The following TRRAP variants were observed in gnomAD, a reference collection of about 807,000 sequenced individuals.
TRRAP encodes the protein transformation/transcription domain-associated protein.
Under a neutral mutation model 438.8 loss-of-function variants are expected in TRRAP, and 41 were observed. The observed-to-expected ratio is 0.09, with a 90% CI of 0.07 to 0.12. The LOEUF (loss-of-function observed/expected upper bound fraction) is 0.12, where lower values mean the gene tolerates loss of function less well. TRRAP is among the 10% of genes least tolerant of loss of function. The probability of loss-of-function intolerance (pLI) is 1.00; values close to 1 mark genes in which losing one functional copy is unlikely to be tolerated. For missense variants in TRRAP, 3,122 were observed against 5,055.1 expected (o/e 0.62, Z 11.60); for synonymous variants, 1,994 against 1,962.9 (o/e 1.02, Z -0.42).
intron 67 of TRRAP, chr7:98,999,225 A>T (rs1295241081): frequency 1.6e-6 from 2 of 1,275,472 alleles, no homozygotes; most frequent in East Asian, 2.3e-5. Context: ...GCTTCACTCC[A>T]AGAAGTACAT....
intron 58 of TRRAP, among the ~76,000 whole-genome samples, chr7:98,979,134 A>T (rs749965331): frequency 4.6e-5 from 7 of 152,252 alleles, no homozygotes; most frequent in Non-Finnish European, 7.3e-5. Context: ...GAACTAGAAG[A>T]TGGAATCGAG....
Position 98,990,468 on chromosome 7 carries a change from T to C in TRRAP, c.9605T>C (p.Leu3202Ser). 1 of 1,612,896 alleles carries C rather than the reference T, an allele frequency of 6.2e-7. No homozygotes were observed. The highest frequency in any genetic ancestry group is 1.1e-5 in the South Asian group (1 of 91,066). The change falls in exon 64 of 73, where the codon TTG (leucine) becomes TCG (serine). Residue 3202 changes from leucine to serine, a missense_variant. Physicochemically the swap from Leu to Ser is moderately radical, Grantham distance 145 (BLOSUM62 -2). Transcript: ENST00000456197. ...CTTCTGTCTCAGGTGCTGTGGCTTT[T>C]GAGTTTTGATGATGACAAAAACACT... ...RKYLAKVLWL[L>S]SFDDDKNTLA...
At chr7:98,879,191 G>C (rs1210509350) in intron 1 of TRRAP, among the ~76,000 whole-genome samples, 2 of 152,196 alleles carry the variant, frequency 1.3e-5, no homozygotes, top group Non-Finnish European at 1.5e-5. Context: ...AGCAGGCCCG[G>C]CGCCAGCCCG....
intron 26 of TRRAP, 144 bp downstream of exon 26, chr7:98,931,809 C>A: frequency 1.9e-6 from 2 of 1,062,888 alleles, no homozygotes; most frequent in South Asian, 1.7e-5. Context: ...GCGTGGGTAC[C>A]AAAATCTGGG....
At position 98,971,830 on chromosome 7, in the gene TRRAP, G is replaced by T; in HGVS notation, c.7724G>T (p.Gly2575Val). Residue 2575 changes from glycine to valine, a missense_variant, in exon 53 of 73, where the codon GGG becomes GTG. Physicochemically the swap from Gly to Val is moderately radical, Grantham distance 109. Transcript: ENST00000456197. ...GAGATAGACATCGAACTAGCTCCTGGGGATCAGACCAGCACGCCCAAAACC... is the reference window on the plus strand; with the variant it reads ...GAGATAGACATCGAACTAGCTCCTGTGGATCAGACCAGCACGCCCAAAACC... ...DVEIDIELAP[G>V]DQTSTPKTKE... is the part of the protein sequence containing the mutation. 6.2e-7 allele frequency: 1 copy of T among 1,614,068 alleles called. No homozygotes were observed. Among genetic ancestry groups the T allele is most frequent in the South Asian group, 1.1e-5 (1 of 91,068 alleles).
chr7:98,927,440 A>G, intron 23 of TRRAP, 74 bp downstream of exon 23: 2 of 1,527,008 alleles, frequency 1.3e-6, no homozygotes, highest in Non-Finnish European at 1.8e-6. Context: ...CTTGCTCAGG[A>G]CATTTTGTTG....
chr7:98,939,858 G>A (rs907972539), intron 30 of TRRAP, among the ~76,000 whole-genome samples: 5 of 152,116 alleles, frequency 3.3e-5, no homozygotes, highest in African/African-American at 9.7e-5. Context: ...ATGCTTGCCT[G>A]AAGCAGCTTT....
At chr7:98,967,785 A>G in intron 51 of TRRAP, 87 bp downstream of exon 51, 1 of 1,175,092 alleles carries the variant, frequency 8.5e-7, no homozygotes, top group South Asian at 1.4e-5. Flanking sequence ...GTTCACACAC[A>G]CTGAGATGAA....
chr7:98,997,227 ACT>A (rs1793707538), intron 67 of TRRAP, among the ~76,000 whole-genome samples: 1 of 151,962 alleles, frequency 6.6e-6, no homozygotes, highest in Non-Finnish European at 1.5e-5. Context: ...GATCGCTGGA[ACT>A]TGGGAGACGG....
rs753058640 is a variant in TRRAP at position 98,971,939 on chromosome 7, G to C, written c.7833G>C (p.Glu2611Asp). The C allele has an allele frequency of 6.2e-7, 1 of 1,614,146 alleles. No individual in the cohort carries two copies. The highest frequency in any genetic ancestry group is 2.2e-5 in the East Asian group (1 of 44,888). The part of the protein sequence containing the change: ...RHDKFLDTLR[E>D]VKTGALLSAF... ...ACAAGTTTCTGGACACTCTCCGAGA[G>C]GTGAAGGTCTGTACGCAGCTTGGAA... The change falls in exon 53 of 73, where the codon GAG (glutamate) becomes GAC (aspartate). Residue 2611 changes from glutamate (E) to aspartate (D), a missense_variant. Glu to Asp is a conservative substitution (Grantham distance 45). Around this residue, in one of 24 missense-constraint regions of TRRAP, gnomAD observed 992 missense variants for 1,281.2 expected, o/e 0.77. Coordinates refer to ENST00000456197, the MANE Select transcript of TRRAP (RefSeq NM_001375524.1).
rs1430065472 is a variant in TRRAP at position 98,890,804 on chromosome 7, TTA to T, written c.261+360_261+361del. ...TTCTTTTTTTTTTTTTTTTTTTTTT[TTA>T]AAAGACAAGGTCTCACTCTGTCACC... is the stretch of plus-strand genomic sequence containing the variant. On this transcript the variant is annotated intron_variant, in intron 4 of 72. Coordinates refer to ENST00000456197, the MANE Select transcript of TRRAP (RefSeq NM_001375524.1). 6.2e-3 allele frequency among the ~76,000 whole-genome samples: 845 copies of T among 135,726 alleles called. 9 individuals are homozygous for T. Among genetic ancestry groups the T allele is most frequent in the African/African-American group, 0.026 (799 of 30,526 alleles). The allele number at this position is 135,726 out of a possible 152,430, so 89.0% of individuals were successfully genotyped here.
chr7:98,999,085 G>T, intron 67 of TRRAP: 1 of 1,218,850 alleles, frequency 8.2e-7, no homozygotes, highest in Non-Finnish European at 1.2e-6. Context: ...CTCTGCTTCC[G>T]CTGGCTCTTT....
intron 47 of TRRAP, among the ~76,000 whole-genome samples, chr7:98,963,086 A>C (rs1221724313): frequency 6.6e-6 from 1 of 152,214 alleles, no homozygotes; most frequent in Non-Finnish European, 1.5e-5. Context: ...TCTCTTCCCA[A>C]TAGCAATCAG....
At chr7:98,967,191 A>T in intron 50 of TRRAP, 29 bp downstream of exon 50, 1 of 1,604,522 alleles carries the variant, frequency 6.2e-7, no homozygotes, top group African/African-American at 1.3e-5. Context: ...CAAGTACTAC[A>T]TATATTGGTC....
chr7:98,991,264 G>A (rs1385172268), intron 64 of TRRAP, among the ~76,000 whole-genome samples: 1 of 152,208 alleles, frequency 6.6e-6, no homozygotes, highest in African/African-American at 2.4e-5. Flanking sequence ...GGGACACAGC[G>A]CCTTTGTGGT....
chr7:98,949,833 C>T lies in TRRAP; in HGVS notation c.5127C>T (p.Asn1709=). The change falls in exon 37 of 73, where the codon AAC becomes AAT. Residue 1709 remains asparagine (N), a synonymous_variant. Coordinates refer to ENST00000456197, the MANE Select transcript of TRRAP (RefSeq NM_001375524.1). The part of the protein sequence containing the change: ...EPKLLAYCLL[N]YCKRNYGDIE... ...AGCTGCTGGCCTACTGCCTGCTGAA[C>T]TACTGCAAGTGGGTGCCTCCTCCCG... The T allele has an allele frequency of 6.2e-7, 1 of 1,612,890 alleles. No individual in the cohort carries two copies. The highest frequency in any genetic ancestry group is 8.5e-7 in the Non-Finnish European group (1 of 1,179,542).
Position 98,971,808 on chromosome 7 carries a change from A to G in TRRAP, c.7702A>G (p.Ile2568Val), listed in dbSNP as rs1792431708. 2 of 1,613,798 alleles carry G rather than the reference A, an allele frequency of 1.2e-6. No individual in the cohort carries two copies. Among genetic ancestry groups the G allele is most frequent in the Non-Finnish European group, 8.5e-7 (1 of 1,179,970 alleles). The change falls in exon 53 of 73, where the codon ATA becomes GTA. Residue 2568 changes from isoleucine (I) to valine (V), a missense_variant. This residue lies in a region of TRRAP where 992 missense variants were observed against 1,281.2 expected (regional missense o/e 0.77). Transcript: ENST00000456197. ...NSESKEEDVE[I>V]DIELAPGDQT... ...CTGCTTTGTTTCTTAGGATGTAGAG[A>G]TAGACATCGAACTAGCTCCTGGGGA...
At chr7:98,975,847 C>A in intron 53 of TRRAP, 1 of 276,300 alleles carries the variant, frequency 3.6e-6, no homozygotes, top group South Asian at 1.1e-4. Context: ...GTGTTTTTGT[C>A]CTTCTTGGAT....
intron 12 of TRRAP, among the ~76,000 whole-genome samples, chr7:98,905,269 G>A (rs567196720): frequency 2.6e-5 from 4 of 152,270 alleles, no homozygotes; most frequent in Admixed American, 1.3e-4. Context: ...GTTCCTCCGT[G>A]TGCTGCCTGG....
Sources: allele counts gnomAD v4.1 joint callset (sites outside exome capture counted in the v4.1 genomes callset), GRCh38; gene constraint gnomAD v4.1.1; regional missense constraint gnomAD v4.1.1; transcripts MANE v1.5; gene names NCBI Gene and HGNC (gene_info 2026-07-23, HGNC 2026-07-21).